The following PRKX variants were observed in gnomAD, a reference collection of about 807,000 sequenced individuals.
PRKX encodes the protein protein kinase cAMP-dependent X-linked catalytic subunit.
Under a neutral mutation model 22.0 loss-of-function variants are expected in PRKX, and 12 were observed. The observed-to-expected ratio is 0.54, with a 90% CI of 0.35 to 0.88. The LOEUF (loss-of-function observed/expected upper bound fraction) is 0.88. PRKX is among the 40% of genes least tolerant of loss of function. The pLI, the probability that PRKX is intolerant of heterozygous loss-of-function variation, is 0.01. For missense variants in PRKX, 217 were observed against 308.0 expected, an observed-to-expected ratio of 0.70 and a Z score of 2.21; for synonymous variants, 134 against 137.7, an observed-to-expected ratio of 0.97 and a Z score of 0.19.
chrX:3,662,310 C>T (rs892424981), intron 2 of PRKX, among the ~76,000 whole-genome samples: 1 of 111,211 alleles, frequency 9.0e-6, no homozygotes, highest in African/African-American at 3.3e-5. Flanking sequence ...TCTGTAATTC[C>T]GGCACTTTGC....
intron 5 of PRKX, among the ~76,000 whole-genome samples, chrX:3,625,732 C>T (rs1316167940): frequency 9.0e-6 from 1 of 110,580 alleles, no homozygotes; most frequent in Admixed American, 9.7e-5. Context: ...CCACCACACC[C>T]AGCTAATTTT....
chrX:3,709,632 G>A (rs1928748563), intron 1 of PRKX, among the ~76,000 whole-genome samples: 1 of 111,119 alleles, frequency 9.0e-6, no homozygotes, highest in Non-Finnish European at 1.9e-5. Context: ...ACACTTCTGG[G>A]AAAAAACCCA....
At chrX:3,680,488 C>T (rs1341843186) in intron 1 of PRKX, among the ~76,000 whole-genome samples, 1 of 110,908 alleles carries the variant, frequency 9.0e-6, no homozygotes, top group Admixed American at 9.7e-5. Flanking sequence ...AGGAGAAAGA[C>T]GACCTCCACA....
chrX:3,675,875 G>C (rs761213684), intron 1 of PRKX, among the ~76,000 whole-genome samples: 2 of 111,368 alleles, frequency 1.8e-5, no homozygotes, highest in African/African-American at 6.5e-5. Flanking sequence ...TACCTCCTGG[G>C]CTCAAGCAAT....
At chrX:3,653,607 GTAATATATATATTATATATAATATACTA>G (rs1213035726) in intron 3 of PRKX, among the ~76,000 whole-genome samples, 7 of 74,054 alleles carry the variant, frequency 9.5e-5, no homozygotes, top group Non-Finnish European at 1.7e-4. Context: ...TATATACTAT[GTAATATATATATTATATATAATATACTA>G]TGTAATATAT....
chrX:3,711,095 A>G (rs937763625), intron 1 of PRKX, among the ~76,000 whole-genome samples: 1 of 111,526 alleles, frequency 9.0e-6, no homozygotes, highest in African/African-American at 3.3e-5. Context: ...CTTGGATAAA[A>G]GGTTGCAGAT....
chrX:3,680,247 G>A (rs1248565522), intron 1 of PRKX, among the ~76,000 whole-genome samples: 1 of 110,469 alleles, frequency 9.1e-6, no homozygotes, highest in Non-Finnish European at 1.9e-5. Context: ...GGGTTCAAGC[G>A]ATTCTCCTGC....
At chrX:3,626,637 C>T (rs1926664500) in intron 4 of PRKX, 123 bp from the exon 5 acceptor site, 2 of 564,980 alleles carry the variant, frequency 3.5e-6, no homozygotes, top group South Asian at 5.6e-5. Flanking sequence ...ATGCTCTTCC[C>T]CGCACACTGA....
chrX:3,618,448 A>T (rs769212620), intron 6 of PRKX, among the ~76,000 whole-genome samples: 3 of 72,938 alleles, frequency 4.1e-5, no homozygotes, highest in African/African-American at 5.3e-5. Flanking sequence ...CAAGACCCCA[A>T]CTCTTAAAAA....
At chrX:3,641,392 G>C (rs1490195335) in intron 4 of PRKX, 5 of 124,213 alleles carry the variant, frequency 4.0e-5, no homozygotes, top group African/African-American at 1.6e-4. Flanking sequence ...GGTTACTTCA[G>C]AAAGGGTCTG....
In PRKX at chrX:3,663,463, CACACAAAA is replaced by C. The variant is rs765798222; in HGVS notation, c.336-8059_336-8052del. Reference sequence around the variant, plus strand: ...ACACACACACACACACACACACACACACACAAAAAAATTCAATTAGCTGGACATAGTGG... The same window carrying C: ...ACACACACACACACACACACACACACAAATTCAATTAGCTGGACATAGTGG... On this transcript the variant is annotated intron_variant, in intron 2 of 8. Transcript: ENST00000262848. Among the ~76,000 whole-genome samples the C allele has an allele frequency of 7.8e-3, 617 of 79,197 alleles. 11 individuals are homozygous for C. The highest frequency in any genetic ancestry group is 0.015 in the African/African-American group (334 of 21,926). 68.8% of individuals were successfully genotyped at this position (79,197 alleles called of 115,157 possible). A position where few individuals can be genotyped will look rare whatever the true frequency, so the allele number is the denominator to read the frequency against.
At chrX:3,696,124 T>C (rs1213786809) in intron 1 of PRKX, among the ~76,000 whole-genome samples, 2 of 110,141 alleles carry the variant, frequency 1.8e-5, no homozygotes, top group Non-Finnish European at 3.8e-5. Context: ...TCAATGTCCT[T>C]ATTAAAGGGA....
At chrX:3,644,400 C>CAAAAAA (rs752467196) in intron 3 of PRKX, among the ~76,000 whole-genome samples, 2 of 37,085 alleles carry the variant, frequency 5.4e-5, no homozygotes, top group African/African-American at 2.5e-4. Flanking sequence ...GACACTGTCT[C>CAAAAAA]AAAAAAAAAA....
intron 6 of PRKX, among the ~76,000 whole-genome samples, chrX:3,616,771 T>C (rs756376581): frequency 2.7e-5 from 3 of 112,461 alleles, no homozygotes; most frequent in East Asian, 5.5e-4. Flanking sequence ...ACTTTTTCTT[T>C]TCTTATTGCA....
intron 1 of PRKX, among the ~76,000 whole-genome samples, chrX:3,687,766 G>GA (rs66518567): frequency 9.1e-6 from 1 of 109,797 alleles, no homozygotes; most frequent in Non-Finnish European, 1.9e-5. Context: ...AAATGCAGGA[G>GA]AAAAAAAACC....
chrX:3,663,095 C>T (rs189148065), intron 2 of PRKX, among the ~76,000 whole-genome samples: 81 of 109,259 alleles, frequency 7.4e-4, no homozygotes, highest in Middle Eastern at 4.7e-3. Flanking sequence ...TCACCTCAGC[C>T]TCTGACAGTG....
intron 2 of PRKX, among the ~76,000 whole-genome samples, chrX:3,671,748 G>A (rs1049302160): frequency 9.0e-6 from 1 of 111,276 alleles, no homozygotes; most frequent in African/African-American, 3.3e-5. Context: ...AGCATGTTGG[G>A]AGGCCGAGGT....
At chrX:3,634,794 A>G (rs1487481080) in intron 4 of PRKX, among the ~76,000 whole-genome samples, 1 of 111,682 alleles carries the variant, frequency 9.0e-6, no homozygotes, top group East Asian at 2.8e-4. Flanking sequence ...AGCCTCAGTG[A>G]TCCTCCCACC....
intron 3 of PRKX, among the ~76,000 whole-genome samples, chrX:3,653,357 C>G (rs1341206132): frequency 9.1e-6 from 1 of 109,937 alleles, no homozygotes; most frequent in Non-Finnish European, 1.9e-5. Context: ...CTCGGACTTC[C>G]AGCCTCCAGA....
Sources: allele counts gnomAD v4.1 joint callset (sites outside exome capture counted in the v4.1 genomes callset), GRCh38; gene constraint gnomAD v4.1.1; transcripts MANE v1.5; gene names NCBI Gene and HGNC (gene_info 2026-07-23, HGNC 2026-07-21).